Variants in ATP11A observed in about 807,000 individuals in gnomAD.
The protein encoded by ATP11A is ATPase phospholipid transporting 11A, also known as phospholipid-transporting ATPase IH.
ATP11A carries 81 observed loss-of-function variants against 154.4 expected under a neutral mutation model. The ratio of observed to expected loss-of-function variants is 0.52; its 90% CI spans 0.44 to 0.63. The LOEUF (loss-of-function observed/expected upper bound fraction) is 0.63, where lower values mean the gene tolerates loss of function less well. Among genes scored for constraint, ATP11A ranks in the 30% least tolerant of loss-of-function variants. The pLI is 0.00. For synonymous variants in ATP11A, 623 were observed against 585.9 expected, an observed-to-expected ratio of 1.06 and a Z score of -0.91; for missense variants, 1,316 against 1,474.3, an observed-to-expected ratio of 0.89 and a Z score of 1.76.
chr13:112,805,188 GGAAGGGCAAAAT>G, intron 3 of ATP11A, 142 bp downstream of exon 3: 2 of 596,258 alleles, frequency 3.4e-6, no homozygotes, highest in South Asian at 2.7e-5. Context: ...ATTTTCTTAA[GGAAGGGCAAAAT>G]GTCTTGGTTC....
intron 2 of ATP11A, among the ~76,000 whole-genome samples, chr13:112,786,048 C>T (rs1408283325): frequency 1.1e-5 from 1 of 93,998 alleles, no homozygotes; most frequent in Non-Finnish European, 2.3e-5. Flanking sequence ...TAATGCGGAA[C>T]GCACGTGCCT....
At chr13:112,768,428 C>T (rs535670177) in intron 1 of ATP11A, among the ~76,000 whole-genome samples, 7 of 152,364 alleles carry the variant, frequency 4.6e-5, no homozygotes, top group South Asian at 2.1e-4. Flanking sequence ...TTTCAGACAG[C>T]GCATTCACAG....
Position 112,854,286 on chromosome 13 carries a change from G to A in ATP11A, c.1999G>A (p.Glu667Lys). The change falls in exon 19 of 30, where the codon GAG becomes AAG. Residue 667 changes from glutamate (E) to lysine (K), a missense_variant. Glu to Lys is a moderately conservative substitution (Grantham distance 56). Transcript: ENST00000375645. ...TGGTTTTGCCTCCCTCAGGCTGCAG[G>A]AGAAAGCTGCAGACACCATCGAGGC... Reference protein sequence around the residue: ...GATAVEDRLQEKAADTIEALQ... With the variant: ...GATAVEDRLQKKAADTIEALQ... 1 of 1,614,084 alleles carries A rather than the reference G, an allele frequency of 6.2e-7. No homozygotes were observed. Among genetic ancestry groups the A allele is most frequent in the Non-Finnish European group, 8.5e-7 (1 of 1,180,006 alleles).
In ATP11A at chr13:112,721,997, T is replaced by C. The variant is rs4907745; in HGVS notation, c.39+31542T>C. Among the ~76,000 whole-genome samples the C allele has an allele frequency of 6.2e-3, 948 of 152,212 alleles. 9 individuals carry two copies. The highest frequency in any genetic ancestry group is 0.019 in the African/African-American group (804 of 41,532). ...CTGGGTCATTTTAACTTAAATATCC[T>C]GGGGCCACATAACCCTGCAATCTGA... is the stretch of plus-strand genomic sequence containing the variant. On this transcript the variant is annotated intron_variant, in intron 1 of 29. Transcript: ENST00000375645.
chr13:112,702,239 G>A lies in ATP11A; in HGVS notation c.39+11784G>A, dbSNP rs554702825. On this transcript the variant is annotated intron_variant, in intron 1 of 29. Coordinates refer to ENST00000375645, the MANE Select transcript of ATP11A (RefSeq NM_015205.3). ...CGGGCACCTGTAATCCCACCTACTC[G>A]GGAGGCTGAGGCAGGAGAAGCGCTT... 4.9e-3 allele frequency among the ~76,000 whole-genome samples: 743 copies of A among 151,498 alleles called. 6 individuals carry two copies. Among genetic ancestry groups the A allele is most frequent in the African/African-American group, 0.017 (708 of 41,294 alleles).
At chr13:112,826,914 G>C in intron 12 of ATP11A, 23 bp downstream of exon 12, 1 of 1,613,300 alleles carries the variant, frequency 6.2e-7, no homozygotes, top group South Asian at 1.1e-5. Context: ...TGAGTCATCT[G>C]CTGTGATTTA....
chr13:112,820,458 G>A (rs779301817), intron 8 of ATP11A, among the ~76,000 whole-genome samples: 1 of 152,226 alleles, frequency 6.6e-6, no homozygotes, highest in Non-Finnish European at 1.5e-5. Context: ...GGCAAGGCCG[G>A]GCAGCTCACG....
intron 14 of ATP11A, among the ~76,000 whole-genome samples, chr13:112,833,836 A>G (rs1210371532): frequency 6.6e-6 from 1 of 152,182 alleles, no homozygotes; most frequent in Non-Finnish European, 1.5e-5. Context: ...CACTGCCTTC[A>G]TCACAGGTGT....
chr13:112,850,272 G>A (rs1468189019), intron 17 of ATP11A, among the ~76,000 whole-genome samples: 2 of 152,172 alleles, frequency 1.3e-5, no homozygotes, highest in East Asian at 3.8e-4. Flanking sequence ...GTAGGGCTGG[G>A]GCTGAAGGAG....
intron 2 of ATP11A, among the ~76,000 whole-genome samples, chr13:112,794,736 C>T (rs1215257144): frequency 3.3e-5 from 5 of 151,958 alleles, no homozygotes; most frequent in Non-Finnish European, 5.9e-5. Flanking sequence ...CGTGTGGTGG[C>T]GGGCGCCTGT....
At chr13:112,820,062 T>A in intron 8 of ATP11A, 112 bp downstream of exon 8, 1 of 1,085,184 alleles carries the variant, frequency 9.2e-7, no homozygotes, top group Non-Finnish European at 1.3e-6. Context: ...ATTTGGAAGG[T>A]GGAGTTCCGC....
intron 1 of ATP11A, among the ~76,000 whole-genome samples, chr13:112,711,778 C>T (rs966275973): frequency 6.6e-6 from 1 of 152,166 alleles, no homozygotes; most frequent in African/African-American, 2.4e-5. Context: ...GGAAACAGCC[C>T]GGATGTGTGG....
At chr13:112,758,921 G>A (rs777443999) in intron 1 of ATP11A, among the ~76,000 whole-genome samples, 29 of 152,134 alleles carry the variant, frequency 1.9e-4, no homozygotes, top group Non-Finnish European at 3.7e-4. Flanking sequence ...GCTTTAGAAC[G>A]TACAGTTTTG....
chr13:112,776,819 A>G (rs560453087), intron 1 of ATP11A, among the ~76,000 whole-genome samples: 1 of 151,772 alleles, frequency 6.6e-6, no homozygotes, highest in Admixed American at 6.6e-5. Context: ...CTGGTTTCAA[A>G]CTCCTGACCT....
At chr13:112,841,296 C>T (rs1399401541) in intron 16 of ATP11A, among the ~76,000 whole-genome samples, 2 of 146,210 alleles carry the variant, frequency 1.4e-5, no homozygotes, top group African/African-American at 5.2e-5. Flanking sequence ...ACAAACCAGC[C>T]GCCTGGCAGA....
At position 112,821,922 on chromosome 13, in the gene ATP11A, C is replaced by T. The variant is rs554783027; in HGVS notation, c.726-1423C>T. On this transcript the variant is annotated intron_variant, in intron 8 of 29. Transcript: ENST00000375645. ...ATAACACAGCCAGACAACCCATATG[C>T]AGCCTGGGAGCTCCATCTTTAGTGA... 1.2e-4 allele frequency among the ~76,000 whole-genome samples: 18 copies of T among 152,340 alleles called. 1 individual carries two copies. In the South Asian group the frequency reaches 3.5e-3, roughly 30 times the overall value.
intron 12 of ATP11A, among the ~76,000 whole-genome samples, chr13:112,828,427 G>C (rs12020607): frequency 0.26 from 35,020 of 135,792 alleles, 4,643 homozygotes; most frequent in Admixed American, 0.29. Flanking sequence ...GGTGTTGAGT[G>C]GGGGGAAAGT....
intron 1 of ATP11A, among the ~76,000 whole-genome samples, chr13:112,749,388 T>C (rs535983698): frequency 2.0e-5 from 3 of 152,256 alleles, no homozygotes; most frequent in African/African-American, 7.2e-5. Context: ...TCTTTCACTA[T>C]TGAATGACTT....
chr13:112,780,215 G>T (rs917397052), intron 1 of ATP11A, among the ~76,000 whole-genome samples: 5 of 152,082 alleles, frequency 3.3e-5, no homozygotes, highest in African/African-American at 1.2e-4. Flanking sequence ...CAATCCGTTG[G>T]TTCCAACTGG....
Sources: gnomAD v4.1 joint callset for allele counts (sites outside exome capture counted in the v4.1 genomes callset) on GRCh38, gnomAD v4.1.1 for gene constraint, MANE v1.5 for transcripts, NCBI Gene and HGNC (gene_info 2026-07-23, HGNC 2026-07-21) for gene names.